The following CTNNA1 variants were observed in gnomAD, a reference collection of about 807,000 sequenced individuals.
CTNNA1 encodes the protein catenin alpha 1, also known as catenin alpha-1.
A neutral mutation model predicts 98.4 loss-of-function variants in CTNNA1; 37 were observed. The observed-to-expected ratio is 0.38, with a 90% CI of 0.29 to 0.49. The LOEUF is 0.49. Among genes scored for constraint, CTNNA1 ranks in the 20% least tolerant of loss-of-function variants. The pLI is 0.95. For synonymous variants in CTNNA1, 404 were observed against 413.2 expected (o/e 0.98, Z 0.27); for missense variants, 761 against 1,147.2 (o/e 0.66, Z 4.86).
chr5:138,922,205 ATG>A (rs1026103783), intron 11 of CTNNA1, among the ~76,000 whole-genome samples: 51 of 152,266 alleles, frequency 3.3e-4, no homozygotes, highest in Admixed American at 2.4e-3. Context: ...TTAAACATAT[ATG>A]CTTTTTAACT....
chr5:138,897,904 TG>T (rs1264241728), intron 9 of CTNNA1, among the ~76,000 whole-genome samples: 1 of 152,190 alleles, frequency 6.6e-6, no homozygotes, highest in Non-Finnish European at 1.5e-5. Context: ...CTTGGAGCAT[TG>T]GTAGGCATGA....
intron 1 of CTNNA1, among the ~76,000 whole-genome samples, chr5:138,775,776 G>A (rs1328363804): frequency 7.3e-6 from 1 of 136,442 alleles, no homozygotes; most frequent in Non-Finnish European, 1.5e-5. Context: ...AGGCTGGAGT[G>A]CAGTGGCGCG....
intron 5 of CTNNA1, among the ~76,000 whole-genome samples, chr5:138,816,550 G>T (rs1335295698): frequency 6.6e-6 from 1 of 151,304 alleles, no homozygotes; most frequent in Non-Finnish European, 1.5e-5. Flanking sequence ...TTTTCCTTTC[G>T]TTTTGCTAAT....
intron 7 of CTNNA1, among the ~76,000 whole-genome samples, chr5:138,861,444 G>C (rs1764272520): frequency 6.6e-6 from 1 of 152,174 alleles, no homozygotes; most frequent in Non-Finnish European, 1.5e-5. Flanking sequence ...ACTTTCAAAT[G>C]AAAGGTCCCA....
intron 1 of CTNNA1, among the ~76,000 whole-genome samples, chr5:138,758,462 C>T (rs994807985): frequency 6.6e-6 from 1 of 152,222 alleles, no homozygotes; most frequent in African/African-American, 2.4e-5. Context: ...ACTGCAACCT[C>T]TGCCTCCCGT....
At chr5:138,888,078 G>A (rs1754477996) in intron 9 of CTNNA1, among the ~76,000 whole-genome samples, 2 of 152,150 alleles carry the variant, frequency 1.3e-5, no homozygotes, top group African/African-American at 2.4e-5. Flanking sequence ...ATTATTTTGA[G>A]GACCTAAAAA....
intron 1 of CTNNA1, among the ~76,000 whole-genome samples, chr5:138,763,955 C>T (rs779754299): frequency 4.4e-4 from 67 of 152,104 alleles, no homozygotes; most frequent in Non-Finnish European, 6.3e-4. Flanking sequence ...CTTTGGGAGG[C>T]GGGCAGATCA....
intron 1 of CTNNA1, among the ~76,000 whole-genome samples, chr5:138,778,660 A>G (rs537146784): frequency 6.6e-6 from 1 of 152,298 alleles, no homozygotes; most frequent in South Asian, 2.1e-4. Flanking sequence ...GCCTGAGGCA[A>G]TTAATATTAT....
intron 3 of CTNNA1, among the ~76,000 whole-genome samples, chr5:138,792,339 A>G (rs546939754): frequency 1.3e-5 from 2 of 152,288 alleles, no homozygotes; most frequent in Admixed American, 1.3e-4. Flanking sequence ...CTCCCTGGCA[A>G]CTGACTAGAG....
chr5:138,809,616 G>C (rs530751851), intron 3 of CTNNA1, among the ~76,000 whole-genome samples: 1 of 152,198 alleles, frequency 6.6e-6, no homozygotes, highest in Non-Finnish European at 1.5e-5. Flanking sequence ...TTAATGAAGT[G>C]TGGTGGTTCT....
chr5:138,904,462 G>A (rs377189474), intron 10 of CTNNA1, 21 bp downstream of exon 10: 2 of 1,602,352 alleles, frequency 1.2e-6, no homozygotes, highest in African/African-American at 2.7e-5. Flanking sequence ...ACTGACACTG[G>A]TGACAGCATA....
intron 7 of CTNNA1, among the ~76,000 whole-genome samples, chr5:138,878,967 T>C (rs572666930): frequency 7.2e-5 from 11 of 151,966 alleles, no homozygotes; most frequent in African/African-American, 2.4e-4. Flanking sequence ...ATCCCAGCAC[T>C]TTAGGAGGCT....
chr5:138,925,216 C>T (rs1248615345), intron 12 of CTNNA1, 40 bp from the exon 13 acceptor site: 17 of 1,598,374 alleles, frequency 1.1e-5, no homozygotes, highest in Non-Finnish European at 1.5e-5. Flanking sequence ...AATGATGCTG[C>T]CTGCTGACCA....
Position 138,905,917 on chromosome 5 carries a change from G to T in CTNNA1, c.1389+1476G>T, listed in dbSNP as rs192263845. Among the ~76,000 whole-genome samples, 6 of 152,364 alleles carry T rather than the reference G, an allele frequency of 3.9e-5. No individual in the cohort carries two copies. The East Asian group carries it at 1.2e-3, about 29-fold the overall frequency. On this transcript the variant is annotated intron_variant, in intron 10 of 17. Transcript: ENST00000302763. ...CAGAAGGCAGTGGCCTCAAATAAAG[G>T]AGAGTAAGCAGAGGGACTGGAGAAA...
At chr5:138,830,953 T>C (rs1761220765) in intron 7 of CTNNA1, among the ~76,000 whole-genome samples, 1 of 152,142 alleles carries the variant, frequency 6.6e-6, no homozygotes, top group Admixed American at 6.5e-5. Context: ...TCTATCTTGA[T>C]TTTAAAAAAA....
intron 7 of CTNNA1, among the ~76,000 whole-genome samples, chr5:138,884,159 A>T (rs1434877482): frequency 1.3e-5 from 2 of 152,216 alleles, no homozygotes; most frequent in Admixed American, 1.3e-4. Context: ...TTGGTCCTGA[A>T]AGCCTGGACA....
intron 9 of CTNNA1, chr5:138,887,872 A>T (rs1224618604): frequency 2.8e-6 from 1 of 359,874 alleles, no homozygotes; most frequent in African/African-American, 2.1e-5. Flanking sequence ...TAGAAGCCTA[A>T]CATCTCCACT....
At chr5:138,763,099 G>GTT (rs11421131) in intron 1 of CTNNA1, among the ~76,000 whole-genome samples, 36 of 150,924 alleles carry the variant, frequency 2.4e-4, no homozygotes, top group East Asian at 5.8e-4. Context: ...TTATTGCTAT[G>GTT]TTTTTTTTTG....
At chr5:138,832,579 AT>A (rs749880659) in intron 7 of CTNNA1, among the ~76,000 whole-genome samples, 194 of 152,180 alleles carry the variant, frequency 1.3e-3, no homozygotes, top group Non-Finnish European at 2.1e-3. Context: ...AGTTATTACC[AT>A]TTTTTTTCAT....
Sources: allele counts gnomAD v4.1 joint callset (sites outside exome capture counted in the v4.1 genomes callset), GRCh38; gene constraint gnomAD v4.1.1; transcripts MANE v1.5; gene names NCBI Gene and HGNC (gene_info 2026-07-23, HGNC 2026-07-21).